Variants in WWP2 observed in about 807,000 individuals in gnomAD.
WWP2 encodes WW domain containing E3 ubiquitin protein ligase 2, also known as NEDD4-like E3 ubiquitin-protein ligase WWP2.
Under a neutral mutation model 121.0 loss-of-function variants are expected in WWP2, and 57 were observed. That is an observed-to-expected ratio of 0.47 (90% CI 0.38 to 0.59). The LOEUF (loss-of-function observed/expected upper bound fraction) is 0.59, where lower values mean the gene tolerates loss of function less well. WWP2 is among the 20% of genes least tolerant of loss of function. The probability of loss-of-function intolerance (pLI) is 0.00; values close to 1 mark genes in which losing one functional copy is unlikely to be tolerated. For synonymous variants in WWP2, 449 were observed against 441.3 expected (o/e 1.02, Z -0.22); for missense variants, 962 against 1,158.9 (o/e 0.83, Z 2.47).
intron 4 of WWP2, among the ~76,000 whole-genome samples, chr16:69,832,203 A>C (rs1021980083): frequency 9.9e-5 from 15 of 152,118 alleles, no homozygotes; most frequent in Non-Finnish European, 2.1e-4. Flanking sequence ...AAAAACTGTT[A>C]TAGGAAATGT....
rs77641108 is a variant in WWP2, at chr16:69,877,656, G to T, written c.703+5725G>T. 1.2e-3 allele frequency among the ~76,000 whole-genome samples: 175 copies of T among 151,862 alleles called. 1 individual carries two copies. The East Asian group carries it at 0.021, about 18-fold the overall frequency. On this transcript the variant is annotated intron_variant, in intron 7 of 23. Coordinates refer to ENST00000359154, the MANE Select transcript of WWP2 (RefSeq NM_001270454.2). ...TTATCACTAAACTTAATAATATCTA[G>T]TATTTGATTTAAAGTGAGAGACATA...
rs763698650 is a variant in WWP2 at position 69,871,908 on chromosome 16, A to G, written c.680A>G (p.His227Arg). 28 of 1,613,812 alleles carry G rather than the reference A, an allele frequency of 1.7e-5. No homozygotes were observed. Among genetic ancestry groups the G allele is most frequent in the Non-Finnish European group, 2.3e-5 (27 of 1,179,986 alleles). ...CGCCAGCCCGTCAAGAACTCAGGCC[A>G]CAGTGGCTTGGCCAATGGCACAGGT... Reference protein sequence around the residue: ...RHRQPVKNSGHSGLANGTVND... With the variant: ...RHRQPVKNSGRSGLANGTVND... Residue 227 changes from histidine (H) to arginine (R), a missense_variant, in exon 7 of 24, where the codon CAC becomes CGC. His to Arg is a conservative substitution (Grantham distance 29). Coordinates refer to ENST00000359154, the MANE Select transcript of WWP2 (RefSeq NM_001270454.2).
rs1186655507 is a variant in WWP2 at position 69,888,126 on chromosome 16, C to A, written c.791C>A (p.Thr264Asn). 2.5e-6 allele frequency: 4 copies of A among 1,614,070 alleles called. No homozygotes were observed. The East Asian group carries it at 6.7e-5, about 27-fold the overall frequency. The change falls in exon 8 of 24, where the codon ACC (threonine) becomes AAC (asparagine). Residue 264 changes from threonine (T) to asparagine (N), a missense_variant. By Grantham distance (65) the Thr-to-Asn change is moderately conservative. Around this residue, in one of 3 missense-constraint regions of WWP2, gnomAD observed 211 missense variants for 196.5 expected, o/e 1.07. Coordinates refer to ENST00000359154, the MANE Select transcript of WWP2 (RefSeq NM_001270454.2). ...CCACCTGCTGCACCCTTGAGTGTGACCCCGAATCCCAACACGACTTCTCTC... is the reference window on the plus strand; with the variant it reads ...CCACCTGCTGCACCCTTGAGTGTGAACCCGAATCCCAACACGACTTCTCTC... The part of the protein sequence containing the change: ...TSPPAAPLSV[T>N]PNPNTTSLPA...
At chr16:69,774,060 G>A (rs2055473805) in intron 1 of WWP2, among the ~76,000 whole-genome samples, 1 of 151,726 alleles carries the variant, frequency 6.6e-6, no homozygotes, top group Non-Finnish European at 1.5e-5. Flanking sequence ...TTTTTTTAAT[G>A]CTCCCCAGAT....
intron 4 of WWP2, among the ~76,000 whole-genome samples, chr16:69,819,164 G>A (rs1482235174): frequency 6.6e-6 from 1 of 152,172 alleles, no homozygotes; most frequent in Non-Finnish European, 1.5e-5. Flanking sequence ...TGTCACCCAT[G>A]TCCAAGTCAC....
At chr16:69,881,990 G>A (rs964724182) in intron 7 of WWP2, among the ~76,000 whole-genome samples, 1 of 152,044 alleles carries the variant, frequency 6.6e-6, no homozygotes, top group African/African-American at 2.4e-5. Context: ...ACTACGCCCG[G>A]CCTAATTTTT....
chr16:69,929,590 TG>T (rs1373408236), intron 12 of WWP2, 61 bp downstream of exon 12: 9 of 1,479,638 alleles, frequency 6.1e-6, no homozygotes, highest in Non-Finnish European at 8.5e-6. Context: ...GCTCCAGCAC[TG>T]GGCAGGTGGC....
rs755506667 is a variant in WWP2 at position 69,917,746 on chromosome 16, T to C, written c.1042T>C (p.Tyr348His). Reference protein sequence around the residue: ...KRTDPRGRFYYVDHNTRTTTW... With the variant: ...KRTDPRGRFYHVDHNTRTTTW... Reference sequence around the variant, plus strand: ...CACAGATCCCCGAGGCAGGTTTTACTATGTGGATCACAATACTCGGACCAC... The same window carrying C: ...CACAGATCCCCGAGGCAGGTTTTACCATGTGGATCACAATACTCGGACCAC... Residue 348 changes from tyrosine (Y) to histidine (H), a missense_variant, in exon 10 of 24, where the codon TAT becomes CAT. Coordinates refer to ENST00000359154, the MANE Select transcript of WWP2 (RefSeq NM_001270454.2). 1.9e-6 allele frequency: 3 copies of C among 1,610,218 alleles called. No homozygotes were observed. The highest frequency in any genetic ancestry group is 1.7e-6 in the Non-Finnish European group (2 of 1,176,582).
Position 69,888,259 on chromosome 16 carries a change from C to G in WWP2, c.914+10C>G, listed in dbSNP as rs763312169. On this transcript the variant is annotated intron_variant, in intron 8 of 23. Coordinates refer to ENST00000359154, the MANE Select transcript of WWP2 (RefSeq NM_001270454.2). ...ACGCTCTGCCTGCTGGGTGAGTAGT[C>G]TTCTGTCCCATAACAGATCTCTCCT... 10 of 1,613,172 alleles carry G rather than the reference C, an allele frequency of 6.2e-6. No individual in the cohort carries two copies. The African/African-American group carries it at 8.0e-5, about 13-fold the overall frequency.
chr16:69,827,670 A>T (rs2937125), intron 4 of WWP2, among the ~76,000 whole-genome samples: 138,075 of 152,274 alleles, frequency 0.91, 62,851 homozygotes, highest in Admixed American at 0.95. Flanking sequence ...CTTTGATACC[A>T]GGCAACTGAG....
intron 22 of WWP2, 80 bp downstream of exon 22, chr16:69,939,203 G>A (rs2058843483): frequency 1.3e-6 from 2 of 1,558,304 alleles, no homozygotes; most frequent in Non-Finnish European, 1.8e-6. Context: ...GTCTCTTCCT[G>A]GAAGCACGTC....
chr16:69,899,628 G>A (rs747708870), intron 8 of WWP2, among the ~76,000 whole-genome samples: 2 of 150,348 alleles, frequency 1.3e-5, no homozygotes, highest in African/African-American at 2.4e-5. Context: ...TACTCGGGAG[G>A]CTGAGGCAGG....
At chr16:69,930,079 A>AG in intron 12 of WWP2, 51 bp from the exon 13 acceptor site, 1 of 1,610,484 alleles carries the variant, frequency 6.2e-7, no homozygotes, top group Non-Finnish European at 8.5e-7. Context: ...CCAACCACCA[A>AG]GGTCCAGAAG....
chr16:69,910,470 G>T (rs185594651), intron 9 of WWP2: 2 of 600,722 alleles, frequency 3.3e-6, no homozygotes, highest in Admixed American at 6.4e-5. Context: ...GTGCAGTGGT[G>T]CAATCTCCAG....
At chr16:69,809,880 GGT>G (rs1424759056) in intron 4 of WWP2, among the ~76,000 whole-genome samples, 1 of 152,086 alleles carries the variant, frequency 6.6e-6, no homozygotes, top group Non-Finnish European at 1.5e-5. Context: ...AAGCTTTGAG[GGT>G]GTGGAGTGGG....
chr16:69,834,455 C>A (rs952006559), intron 4 of WWP2, among the ~76,000 whole-genome samples: 1 of 151,944 alleles, frequency 6.6e-6, no homozygotes, highest in Non-Finnish European at 1.5e-5. Context: ...CTTCATCCCC[C>A]TTCTTTTATT....
intron 8 of WWP2, among the ~76,000 whole-genome samples, chr16:69,894,267 A>G (rs1426545171): frequency 6.9e-6 from 1 of 144,312 alleles, no homozygotes; most frequent in Non-Finnish European, 1.5e-5. Context: ...TTTGGTAGAG[A>G]TGAGGGTCTC....
At position 69,896,427 on chromosome 16, in the gene WWP2, C is replaced by T. The variant is rs147938353; in HGVS notation, c.914+8178C>T. On this transcript the variant is annotated intron_variant, in intron 8 of 23. Coordinates refer to ENST00000359154, the MANE Select transcript of WWP2 (RefSeq NM_001270454.2). ...TGAACCACCGTGCCCATCCTTACTG[C>T]AATTTCTTGAGAGCTCCTCAAGAGT... 2.2e-3 allele frequency among the ~76,000 whole-genome samples: 334 copies of T among 152,244 alleles called. 2 individuals are homozygous for T. Among genetic ancestry groups the T allele is most frequent in the South Asian group, 5.6e-3 (27 of 4,810 alleles).
At chr16:69,868,965 G>T (rs1251451949) in intron 6 of WWP2, among the ~76,000 whole-genome samples, 1 of 152,130 alleles carries the variant, frequency 6.6e-6, no homozygotes, top group African/African-American at 2.4e-5. Context: ...TCGGCTCACT[G>T]CGACCTCCAC....
Sources: gnomAD v4.1 joint callset for allele counts (sites outside exome capture counted in the v4.1 genomes callset) on GRCh38, gnomAD v4.1.1 for gene constraint, gnomAD v4.1.1 regional missense constraint, MANE v1.5 for transcripts, NCBI Gene and HGNC (gene_info 2026-07-23, HGNC 2026-07-21) for gene names.